Variants in NRXN3 observed in about 807,000 individuals in gnomAD.
NRXN3 encodes the protein neurexin 3, also known as neurexin III.
Under a neutral mutation model 137.6 loss-of-function variants are expected in NRXN3, and 32 were observed. That is an observed-to-expected ratio of 0.23 (90% confidence interval 0.18 to 0.31). The LOEUF is 0.31. Among genes scored for constraint, NRXN3 ranks in the 10% least tolerant of loss-of-function variants. The probability of loss-of-function intolerance (pLI) is 1.00; values close to 1 mark genes in which losing one functional copy is unlikely to be tolerated. For missense variants in NRXN3, 1,574 were observed against 2,062.5 expected (o/e 0.76, Z 4.59); for synonymous variants, 798 against 784.5 (o/e 1.02, Z -0.29).
intron 10 of NRXN3, among the ~76,000 whole-genome samples, chr14:78,890,503 C>T (rs1275944066): frequency 1.3e-5 from 2 of 151,716 alleles, no homozygotes; most frequent in Non-Finnish European, 2.9e-5. Context: ...TTCTCATGGA[C>T]CAATGTTCTC....
At chr14:79,525,923 TCAGGCTGGAGTGCAG>T (rs2097114355) in intron 16 of NRXN3, among the ~76,000 whole-genome samples, 1 of 152,130 alleles carries the variant, frequency 6.6e-6, no homozygotes, top group South Asian at 2.1e-4. Flanking sequence ...ACTCTGTTGC[TCAGGCTGGAGTGCAG>T]TGGCACAATC....
At chr14:79,068,506 A>G (rs2099683538) in intron 15 of NRXN3, among the ~76,000 whole-genome samples, 1 of 152,102 alleles carries the variant, frequency 6.6e-6, no homozygotes, top group Non-Finnish European at 1.5e-5. Flanking sequence ...AAATGTACAT[A>G]TGCTGCCTTG....
chr14:78,939,076 A>G (rs1364073684), intron 10 of NRXN3, among the ~76,000 whole-genome samples: 3 of 151,356 alleles, frequency 2.0e-5, no homozygotes, highest in Admixed American at 2.0e-4. Context: ...CGATCTCCTG[A>G]CCTCGTGATC....
intron 19 of NRXN3, among the ~76,000 whole-genome samples, chr14:79,800,896 A>T (rs2099176690): frequency 6.6e-6 from 1 of 152,210 alleles, no homozygotes; most frequent in South Asian, 2.1e-4. Context: ...CTTGGTTTGT[A>T]ATGTTTGGAT....
intron 15 of NRXN3, among the ~76,000 whole-genome samples, chr14:79,083,437 G>A (rs1364272369): frequency 2.0e-5 from 3 of 152,150 alleles, no homozygotes; most frequent in Admixed American, 2.0e-4. Flanking sequence ...AAGCAAGAAG[G>A]AAGGAAACTT....
At chr14:78,919,670 A>G (rs1007403464) in intron 10 of NRXN3, among the ~76,000 whole-genome samples, 14 of 152,232 alleles carry the variant, frequency 9.2e-5, no homozygotes, top group African/African-American at 3.4e-4. Context: ...TGTTTTATAG[A>G]TGAGCAAACA....
At chr14:79,623,852 T>TTTG (rs1294709153) in intron 16 of NRXN3, among the ~76,000 whole-genome samples, 5 of 150,176 alleles carry the variant, frequency 3.3e-5, no homozygotes, top group Non-Finnish European at 5.9e-5. Flanking sequence ...AGCTCCTGTT[T>TTTG]TTTTTTTTTT....
chr14:79,424,656 C>T (rs1477721280), intron 15 of NRXN3, among the ~76,000 whole-genome samples: 4 of 152,136 alleles, frequency 2.6e-5, no homozygotes, highest in African/African-American at 9.7e-5. Context: ...ATCTTAGTTG[C>T]TAAGTTATTA....
intron 10 of NRXN3, among the ~76,000 whole-genome samples, chr14:78,884,264 T>G (rs557741334): frequency 6.6e-6 from 1 of 152,326 alleles, no homozygotes; most frequent in South Asian, 2.1e-4. Context: ...TTTTGGGTAT[T>G]TTTGCTTATT....
In NRXN3 at chr14:79,302,965, A is replaced by T. The variant is rs11850337; in HGVS notation, c.3263-164256A>T. 1.5e-3 allele frequency among the ~76,000 whole-genome samples: 235 copies of T among 151,914 alleles called. 1 individual carries two copies. The highest frequency in any genetic ancestry group is 5.0e-3 in the African/African-American group (208 of 41,454). ...ATCCAAACACTTCCCTCCAAGCCCC[A>T]CCTCCAATGTTGGGGATCACATTTC... On this transcript the variant is annotated intron_variant, in intron 15 of 20. Transcript: ENST00000335750.
intron 15 of NRXN3, among the ~76,000 whole-genome samples, chr14:79,176,271 GT>G (rs1328236646): frequency 3.3e-5 from 5 of 152,086 alleles, no homozygotes; most frequent in Non-Finnish European, 7.4e-5. Flanking sequence ...TTTTCCTATG[GT>G]TTCCAGATAG....
chr14:79,123,453 C>T (rs1010489768), intron 15 of NRXN3, among the ~76,000 whole-genome samples: 12 of 152,206 alleles, frequency 7.9e-5, no homozygotes, highest in African/African-American at 2.6e-4. Context: ...TCCAGTTATT[C>T]ATTCCTTCCC....
intron 15 of NRXN3, among the ~76,000 whole-genome samples, chr14:79,034,662 CATA>C (rs999910329): frequency 1.3e-5 from 2 of 151,948 alleles, no homozygotes; most frequent in Non-Finnish European, 2.9e-5. Flanking sequence ...TCTTGTTACA[CATA>C]ATAACATTTT....
chr14:78,651,439 G>A, intron 6 of NRXN3, 113 bp downstream of exon 6: 1 of 1,200,674 alleles, frequency 8.3e-7, no homozygotes, highest in South Asian at 1.5e-5. Context: ...ATGATAGATT[G>A]CAGCAGAAAC....
chr14:79,748,451 T>C (rs1002609191), intron 19 of NRXN3, among the ~76,000 whole-genome samples: 5 of 152,112 alleles, frequency 3.3e-5, no homozygotes, highest in African/African-American at 1.2e-4. Context: ...AGATGTTCCA[T>C]GTGGTTCCTT....
chr14:78,889,048 A>T (rs555750222), intron 10 of NRXN3, among the ~76,000 whole-genome samples: 1 of 152,096 alleles, frequency 6.6e-6, no homozygotes, highest in Non-Finnish European at 1.5e-5. Flanking sequence ...ATCTGAGAAA[A>T]TACCTTAGAA....
intron 10 of NRXN3, among the ~76,000 whole-genome samples, chr14:78,853,577 T>G (rs1237135669): frequency 1.3e-5 from 2 of 152,174 alleles, no homozygotes; most frequent in Non-Finnish European, 2.9e-5. Flanking sequence ...TACTATAATA[T>G]TTGTTAATTT....
intron 4 of NRXN3, among the ~76,000 whole-genome samples, chr14:78,438,786 T>G (rs1448816329): frequency 6.6e-6 from 1 of 151,150 alleles, no homozygotes; most frequent in Non-Finnish European, 1.5e-5. Context: ...AGAAAAGAAG[T>G]AGGAGAACAA....
intron 8 of NRXN3, among the ~76,000 whole-genome samples, chr14:78,763,309 C>T (rs543065866): frequency 1.5e-4 from 23 of 152,198 alleles, no homozygotes; most frequent in African/African-American, 4.8e-4. Context: ...TAACTAGCTG[C>T]GTGATCTTGG....
Sources: gnomAD v4.1 joint callset for allele counts (sites outside exome capture counted in the v4.1 genomes callset) on GRCh38, gnomAD v4.1.1 for gene constraint, MANE v1.5 for transcripts, NCBI Gene and HGNC (gene_info 2026-07-23, HGNC 2026-07-21) for gene names.